The following ARHGAP36 variants were observed in gnomAD, a reference collection of about 807,000 sequenced individuals.
ARHGAP36 encodes the protein Rho GTPase activating protein 36, also known as rho GTPase-activating protein 36.
In ARHGAP36, 7 loss-of-function variants were observed where a neutral mutation model predicts 32.9. The observed-to-expected ratio is 0.21, with a 90% confidence interval of 0.12 to 0.40. The LOEUF is 0.40. Ranked by LOEUF, ARHGAP36 falls within the 10% of genes least tolerant of loss-of-function variation. The probability of loss-of-function intolerance (pLI) is 1.00; values close to 1 mark genes in which losing one functional copy is unlikely to be tolerated. For synonymous variants in ARHGAP36, 165 were observed against 168.3 expected, an observed-to-expected ratio of 0.98 and a Z score of 0.15; for missense variants, 383 against 442.2, an observed-to-expected ratio of 0.87 and a Z score of 1.20.
chrX:131,078,656 T>G, intron 1 of ARHGAP36: 9 of 314,749 alleles, frequency 2.9e-5, no homozygotes, highest in Non-Finnish European at 5.5e-5. Flanking sequence ...TCATTCCCCC[T>G]CCCCACCCCA....
chrX:131,083,548 T>C (rs1188212909), intron 3 of ARHGAP36, among the ~76,000 whole-genome samples, 186 bp from the exon 4 acceptor site: 1 of 111,812 alleles, frequency 8.9e-6, no homozygotes, highest in East Asian at 2.8e-4. Context: ...TGAGTGGAGC[T>C]GAGTCCTTTC....
chrX:131,068,350 A>T (rs1236937552), intron 1 of ARHGAP36, among the ~76,000 whole-genome samples: 1 of 111,571 alleles, frequency 9.0e-6, no homozygotes, highest in African/African-American at 3.3e-5. Context: ...AGGAGGGGGG[A>T]TGAGCGAGCC....
Position 131,081,598 on chromosome X carries a change from C to A in ARHGAP36, c.-68C>A. On this transcript the variant is annotated 5_prime_UTR_variant, in exon 2 of 12. Coordinates refer to ENST00000276211, the MANE Select transcript of ARHGAP36 (RefSeq NM_144967.4). The stretch of plus-strand genomic sequence containing the variant: ...TTTCCCTCCCCCTCTACCCCCACCC[C>A]CATAGTTCTCTCCACCAGGTCCAGT... 1 of 1,168,025 alleles carries A rather than the reference C, an allele frequency of 8.6e-7. No individual in the cohort carries two copies. The highest frequency in any genetic ancestry group is 2.0e-5 in the South Asian group (1 of 49,199).
intron 2 of ARHGAP36, among the ~76,000 whole-genome samples, chrX:131,082,854 C>T (rs191555229): frequency 8.8e-6 from 1 of 113,154 alleles, no homozygotes; most frequent in African/African-American, 3.2e-5. Flanking sequence ...GGCTTCAGAG[C>T]CCCGGAATTT....
intron 1 of ARHGAP36, among the ~76,000 whole-genome samples, chrX:131,064,408 T>C (rs1411298227): frequency 9.0e-6 from 1 of 111,472 alleles, no homozygotes; most frequent in East Asian, 2.8e-4. Flanking sequence ...ATGAGGAAAA[T>C]TGGCAGTTTA....
intron 1 of ARHGAP36, among the ~76,000 whole-genome samples, 160 bp downstream of exon 1, chrX:131,058,604 C>T (rs1413786459): frequency 8.8e-6 from 1 of 113,541 alleles, no homozygotes. Flanking sequence ...ACTGCCCCGT[C>T]GAGGCCCCGC....
chrX:131,076,222 G>T (rs766472603), intron 1 of ARHGAP36, among the ~76,000 whole-genome samples: 1 of 111,997 alleles, frequency 8.9e-6, no homozygotes, highest in Non-Finnish European at 1.9e-5. Context: ...ACCTCCTATT[G>T]ATAGAACATT....
At chrX:131,086,521 G>C in intron 10 of ARHGAP36, 38 bp from the exon 11 acceptor site, 1 of 1,203,599 alleles carries the variant, frequency 8.3e-7, no homozygotes, top group Non-Finnish European at 1.1e-6. Flanking sequence ...AGTAACGCAA[G>C]TACACAAACT....
At chrX:131,069,527 C>T (rs2079721611) in intron 1 of ARHGAP36, among the ~76,000 whole-genome samples, 1 of 111,174 alleles carries the variant, frequency 9.0e-6, no homozygotes, top group African/African-American at 3.3e-5. Context: ...CTCTTTCCCC[C>T]ACCCTCTTCA....
At chrX:131,084,835 A>C (rs1342308213) in intron 6 of ARHGAP36, 79 bp from the exon 7 acceptor site, 1 of 1,182,767 alleles carries the variant, frequency 8.5e-7, no homozygotes, top group East Asian at 3.0e-5. Flanking sequence ...TCCACTGAAT[A>C]CTGGAACCTG....
intron 4 of ARHGAP36, 72 bp downstream of exon 4, chrX:131,084,041 A>T: frequency 4.5e-6 from 5 of 1,122,717 alleles, no homozygotes; most frequent in Non-Finnish European, 6.0e-6. Context: ...CCGGAGGATC[A>T]AGGCCTGTGC....
chrX:131,086,271 G>T, intron 9 of ARHGAP36, 58 bp from the exon 10 acceptor site: 2 of 1,148,868 alleles, frequency 1.7e-6, no homozygotes, highest in Non-Finnish European at 2.4e-6. Flanking sequence ...TGAAAGAGAT[G>T]AGTATAAATG....
intron 3 of ARHGAP36, among the ~76,000 whole-genome samples, chrX:131,083,491 C>T (rs192561513): frequency 8.9e-6 from 1 of 111,978 alleles, no homozygotes; most frequent in South Asian, 3.8e-4. Flanking sequence ...AGGTAGTCAC[C>T]CCCAGGGAAA....
intron 1 of ARHGAP36, among the ~76,000 whole-genome samples, chrX:131,073,354 T>A (rs2148638733): frequency 8.9e-6 from 1 of 111,896 alleles, no homozygotes; most frequent in South Asian, 3.9e-4. Context: ...TGCAGCGCAG[T>A]GGCAGCCAGA....
Position 131,086,309 on chromosome X carries a change from G to A in ARHGAP36, c.1282-20G>A. On this transcript the variant is annotated intron_variant, in intron 9 of 11. Transcript: ENST00000276211. ...AAGGTGCTGTGTAATGATGGCTAATGTTGCTAATTCTACCCTCAGGTGCCT... is the reference window on the plus strand; with the variant it reads ...AAGGTGCTGTGTAATGATGGCTAATATTGCTAATTCTACCCTCAGGTGCCT... 8.3e-7 allele frequency: 1 copy of A among 1,204,131 alleles called. No homozygotes were observed. Among genetic ancestry groups the A allele is most frequent in the Non-Finnish European group, 1.1e-6 (1 of 888,591 alleles).
chrX:131,086,957 A>C (rs1324017294), intron 11 of ARHGAP36, among the ~76,000 whole-genome samples: 1 of 111,523 alleles, frequency 9.0e-6, no homozygotes, highest in African/African-American at 3.3e-5. Context: ...AATTTTGATG[A>C]TCTTCCTCCC....
At chrX:131,087,623 C>A (rs919199579) in intron 11 of ARHGAP36, among the ~76,000 whole-genome samples, 2 of 111,558 alleles carry the variant, frequency 1.8e-5, no homozygotes, top group African/African-American at 3.3e-5. Context: ...AATTGCAGGC[C>A]CTGAAGAGGT....
At chrX:131,083,138 T>C in intron 2 of ARHGAP36, 27 bp from the exon 3 acceptor site, 1 of 1,193,430 alleles carries the variant, frequency 8.4e-7, no homozygotes, top group Non-Finnish European at 1.1e-6. Flanking sequence ...TTTGTAAGTG[T>C]ATCTTTTCTT....
intron 1 of ARHGAP36, among the ~76,000 whole-genome samples, chrX:131,069,804 G>C (rs948056168): frequency 2.7e-5 from 3 of 112,004 alleles, no homozygotes; most frequent in African/African-American, 9.8e-5. Context: ...TCCTTACAAG[G>C]ACTTCCTAAC....
Sources: gnomAD v4.1 joint callset for allele counts (sites outside exome capture counted in the v4.1 genomes callset) on GRCh38, gnomAD v4.1.1 for gene constraint, MANE v1.5 for transcripts, NCBI Gene and HGNC (gene_info 2026-07-23, HGNC 2026-07-21) for gene names.